TREML1: variants seen among roughly 807,000 people sequenced by gnomAD.
The protein encoded by TREML1 is trem-like transcript 1 protein.
A neutral mutation model predicts 22.8 loss-of-function variants in TREML1; 27 were observed. That is an observed-to-expected ratio of 1.19 (90% CI 0.87 to 1.64). TREML1 has a LOEUF of 1.64. Ranked by LOEUF, TREML1 falls within the 40% of genes most tolerant of loss-of-function variation. TREML1 has a pLI of 0.00. For missense variants in TREML1, 356 were observed against 382.0 expected, an observed-to-expected ratio of 0.93 and a Z score of 0.57; for synonymous variants, 153 against 161.9, an observed-to-expected ratio of 0.94 and a Z score of 0.42.
chr6:41,150,429 C>T, intron 4 of TREML1, 116 bp from the exon 5 acceptor site: 1 of 896,046 alleles, frequency 1.1e-6, no homozygotes, highest in Non-Finnish European at 1.7e-6. Flanking sequence ...ACTCACCTTC[C>T]CCACTCCCAC....
chr6:41,150,360 C>G, intron 4 of TREML1, 47 bp from the exon 5 acceptor site: 1 of 1,592,548 alleles, frequency 6.3e-7, no homozygotes, highest in African/African-American at 1.3e-5. Context: ...GGGGCTGGCT[C>G]AGAGCCCTTC....
intron 5 of TREML1, 56 bp from the exon 6 acceptor site, chr6:41,149,974 G>A (rs1765203314): frequency 6.5e-7 from 1 of 1,541,600 alleles, no homozygotes; most frequent in Non-Finnish European, 8.9e-7. Context: ...AACTCCCTTT[G>A]GTGGGAAGCC....
rs1765195211 is a variant in TREML1, at chr6:41,149,778, T to G, written c.762A>C (p.Ser254=). ...TYTSLPLDSP[S]GKPSLPAPSS... ...ATGGAGCTGGGAGTGAAGGTTTTCC[T>G]GATGGGGAATCAAGAGGTAGGCTGG... The change falls in exon 6 of 6, where the codon TCA becomes TCC. Residue 254 remains serine (S), a synonymous_variant. Transcript: ENST00000426005. 6.2e-7 allele frequency: 1 copy of G among 1,614,170 alleles called. No individual in the cohort carries two copies. The highest frequency in any genetic ancestry group is 2.2e-5 in the East Asian group (1 of 44,876).
Position 41,152,294 on chromosome 6 carries a change from C to T in TREML1, c.377-910G>A, listed in dbSNP as rs530220411. Among the ~76,000 whole-genome samples, 214 of 152,308 alleles carry T rather than the reference C, an allele frequency of 1.4e-3. 4 individuals carry two copies. The highest frequency in any genetic ancestry group is 3.4e-3 in the Middle Eastern group (1 of 294). ...ATCATCTCTGGATGCTACGCGCCAC[C>T]TGCCTGCCTGAACATCATCCTCCAC... On this transcript the variant is annotated intron_variant, in intron 2 of 5. Coordinates refer to ENST00000426005, the MANE Select transcript of TREML1 (RefSeq NM_178174.4).
Position 41,149,779 on chromosome 6 carries a change from G to C in TREML1, c.761C>G (p.Ser254Ter). 6.2e-7 allele frequency: 1 copy of C among 1,614,194 alleles called. No homozygotes were observed. Among genetic ancestry groups the C allele is most frequent in the Non-Finnish European group, 8.5e-7 (1 of 1,180,038 alleles). ...TYTSLPLDSP[S>*]GKPSLPAPSS... ...TGGAGCTGGGAGTGAAGGTTTTCCTGATGGGGAATCAAGAGGTAGGCTGGT... is the reference window on the plus strand; with the variant it reads ...TGGAGCTGGGAGTGAAGGTTTTCCTCATGGGGAATCAAGAGGTAGGCTGGT... The change falls in exon 6 of 6, where the codon TCA becomes TGA. Residue 254 changes from serine to a stop codon, truncating the protein, a stop_gained. Transcript: ENST00000426005. LOFTEE classifies it low-confidence loss of function (END_TRUNC).
intron 3 of TREML1, 131 bp from the exon 4 acceptor site, chr6:41,151,038 G>T: frequency 5.0e-6 from 4 of 800,804 alleles, no homozygotes; most frequent in Non-Finnish European, 8.3e-6. Flanking sequence ...AATGAGGGGA[G>T]CTGACTGAGG....
chr6:41,155,375 T>TCTCTCTCTCTCTCTCTCTCTCTCTCTC (rs1765393079), upstream of TREML1, among the ~76,000 whole-genome samples: 2 of 136,724 alleles, frequency 1.5e-5, no homozygotes, highest in Admixed American at 1.4e-4. Flanking sequence ...GAGTAAACGT[T>TCTCTCTCTCTCTCTCTCTCTCTCTCTC]TCTCTCTCTC....
At chr6:41,151,510 G>A in intron 2 of TREML1, 126 bp from the exon 3 acceptor site, 1 of 770,084 alleles carries the variant, frequency 1.3e-6, no homozygotes, top group Non-Finnish European at 2.2e-6. Context: ...GAGGACCCCA[G>A]GAAGAAACAC....
Position 41,150,882 on chromosome 6 carries a change from G to T in TREML1, c.505C>A (p.Leu169Ile), listed in dbSNP as rs756964562. The T allele has an allele frequency of 1.2e-6, 2 of 1,614,030 alleles. No homozygotes were observed. Among genetic ancestry groups the T allele is most frequent in the Non-Finnish European group, 1.7e-6 (2 of 1,180,004 alleles). The change falls in exon 4 of 6, where the codon CTC (leucine) becomes ATC (isoleucine). Residue 169 changes from leucine (L) to isoleucine (I), a missense_variant. Leu to Ile is a conservative substitution (Grantham distance 5). Transcript: ENST00000426005. Reference protein sequence around the residue: ...KSIPLIWGAVLLVGLLVAAVV... With the variant: ...KSIPLIWGAVILVGLLVAAVV... Reference sequence around the variant, plus strand: ...GCTGCCACCAGCAGACCTACCAGGAGCACAGCACCCCAGATCAAGGGGATG... The same window carrying T: ...GCTGCCACCAGCAGACCTACCAGGATCACAGCACCCCAGATCAAGGGGATG...
At position 41,149,678 on chromosome 6, in the gene TREML1, C is replaced by T; in HGVS notation, c.862G>A (p.Gly288Arg). The change falls in exon 6 of 6, where the codon GGA becomes AGA. Residue 288 changes from glycine to arginine, a missense_variant. Transcript: ENST00000426005. ...PVTYATVIFP[G>R]GNKGGGTSCG... is the part of the protein sequence containing the mutation. ...GAGGTCCCTCCACCCTTGTTCCCTC[C>T]CGGGAAGATTACTGTGGCATATGTC... 1 of 1,614,148 alleles carries T rather than the reference C, an allele frequency of 6.2e-7. No individual in the cohort carries two copies. The highest frequency in any genetic ancestry group is 8.5e-7 in the Non-Finnish European group (1 of 1,180,034).
In TREML1 at chr6:41,149,844, A is replaced by C. The variant is rs757531067; in HGVS notation, c.696T>G (p.Ile232Met). The C allele has an allele frequency of 6.2e-7, 1 of 1,614,024 alleles. No individual in the cohort carries two copies. The highest frequency in any genetic ancestry group is 2.2e-5 in the East Asian group (1 of 44,890). ...CAAATGAAGGTGGTGAGTCAAGCCT[A>C]ATGTGTGGTACATCCAAAGGCAATT... ...AAELPLDVPHIRLDSPPSFDN... is the reference protein window; with the variant it reads ...AAELPLDVPHMRLDSPPSFDN... The change falls in exon 6 of 6, where the codon ATT becomes ATG. Residue 232 changes from isoleucine to methionine, a missense_variant. By Grantham distance (10) the Ile-to-Met change is conservative (BLOSUM62 1). Transcript: ENST00000426005.
intron 3 of TREML1, 42 bp downstream of exon 3, chr6:41,151,240 A>G: frequency 6.5e-7 from 1 of 1,546,276 alleles, no homozygotes. Context: ...TGTCTCCACC[A>G]CCACCCTTCT....
intron 2 of TREML1, among the ~76,000 whole-genome samples, chr6:41,151,867 C>T (rs1408995875): frequency 6.6e-6 from 1 of 152,182 alleles, no homozygotes. Context: ...ACCCTGCAAC[C>T]CTAGCCCAAG....
rs939472088 is a variant in TREML1 at position 41,149,397 on chromosome 6, G to C, written c.*207C>G. The stretch of plus-strand genomic sequence containing the variant: ...CCAGTGTGTAATGGTAGAAGAACCA[G>C]TGGGGGAGTTGGGTGCAGGGAGGTC... On this transcript the variant is annotated 3_prime_UTR_variant, in exon 6 of 6. Transcript: ENST00000426005. 8.9e-6 allele frequency: 5 copies of C among 560,428 alleles called. No individual in the cohort carries two copies. In the African/African-American group the frequency reaches 9.3e-5, roughly 10 times the overall value. 34.7% of individuals were successfully genotyped at this position (560,428 alleles called of 1,614,324 possible). A position where few individuals can be genotyped will look rare whatever the true frequency, so the allele number is the denominator to read the frequency against.
rs749528852 is a variant in TREML1, at chr6:41,149,561, C to T, written c.*43G>A. 8 of 1,564,106 alleles carry T rather than the reference C, an allele frequency of 5.1e-6. No individual in the cohort carries two copies. Among genetic ancestry groups the T allele is most frequent in the Non-Finnish European group, 6.9e-6 (8 of 1,151,196 alleles). On this transcript the variant is annotated 3_prime_UTR_variant, in exon 6 of 6. Transcript: ENST00000426005. ...GAGCTGGCTGGATGGATGCACAGAA[C>T]CCCTAGGGATGGTCCTCATGAGTTT...
rs762003158 is a variant in TREML1 at position 41,150,810 on chromosome 6, G to A, written c.568+9C>T. On this transcript the variant is annotated intron_variant, in intron 4 of 5. Coordinates refer to ENST00000426005, the MANE Select transcript of TREML1 (RefSeq NM_178174.4). ...AGGGCCAGGCTGAGATAGGAAGATAGCCACCTACCTTGTTTCCTCTTGGCC... is the reference window on the plus strand; with the variant it reads ...AGGGCCAGGCTGAGATAGGAAGATAACCACCTACCTTGTTTCCTCTTGGCC... The A allele has an allele frequency of 4.5e-5, 73 of 1,613,302 alleles. No homozygotes were observed. The highest frequency in any genetic ancestry group is 5.8e-5 in the Non-Finnish European group (68 of 1,179,408).
At chr6:41,152,136 C>G (rs1177432869) in intron 2 of TREML1, among the ~76,000 whole-genome samples, 1 of 152,198 alleles carries the variant, frequency 6.6e-6, no homozygotes, top group East Asian at 1.9e-4. Context: ...AGAGATTCAC[C>G]ATTCCTACTC....
At chr6:41,150,007 CTT>C in intron 5 of TREML1, 89 bp from the exon 6 acceptor site, 1 of 1,315,930 alleles carries the variant, frequency 7.6e-7, no homozygotes, top group Admixed American at 2.0e-5. Context: ...AGATCTATCT[CTT>C]GAATCCTGAG....
At chr6:41,150,952 G>T in intron 3 of TREML1, 45 bp from the exon 4 acceptor site, 1 of 1,550,876 alleles carries the variant, frequency 6.4e-7, no homozygotes, top group Non-Finnish European at 8.9e-7. Context: ...TGAAGCCTGT[G>T]GGGAGCTGCT....
Sources: allele counts gnomAD v4.1 joint callset (sites outside exome capture counted in the v4.1 genomes callset), GRCh38; gene constraint gnomAD v4.1.1; transcripts MANE v1.5; gene names NCBI Gene and HGNC (gene_info 2026-07-23, HGNC 2026-07-21).